The following MAP4K5 variants were observed in gnomAD, a reference collection of about 807,000 sequenced individuals.
MAP4K5 encodes the protein mitogen-activated protein kinase kinase kinase kinase 5.
MAP4K5 carries 82 observed loss-of-function variants against 135.6 expected under a neutral mutation model. That is an observed-to-expected ratio of 0.60 (90% CI 0.51 to 0.73). The LOEUF is 0.73. MAP4K5 is among the 30% of genes least tolerant of loss of function. The pLI is 0.00. For missense variants in MAP4K5, 907 were observed against 1,010.9 expected (o/e 0.90, Z 1.39); for synonymous variants, 347 against 335.0 (o/e 1.04, Z -0.39).
chr14:50,452,368 GT>G (rs2036509254), intron 14 of MAP4K5, among the ~76,000 whole-genome samples: 1 of 152,098 alleles, frequency 6.6e-6, no homozygotes, highest in Admixed American at 6.6e-5. Context: ...AGCCTAAAGG[GT>G]TTTTTGTTGT....
intron 3 of MAP4K5, among the ~76,000 whole-genome samples, chr14:50,500,884 G>A (rs1451849148): frequency 6.6e-6 from 1 of 152,284 alleles, no homozygotes; most frequent in South Asian, 2.1e-4. Flanking sequence ...GCAGGTTTGA[G>A]AAGAATAATC....
At chr14:50,435,539 ATT>A (rs756334252) in intron 26 of MAP4K5, among the ~76,000 whole-genome samples, 2 of 143,890 alleles carry the variant, frequency 1.4e-5, no homozygotes, top group Non-Finnish European at 3.1e-5. Flanking sequence ...TAATTTTTCA[ATT>A]TTTTTTTTTT....
At chr14:50,522,183 T>A (rs1329438155) in intron 2 of MAP4K5, among the ~76,000 whole-genome samples, 1 of 152,026 alleles carries the variant, frequency 6.6e-6, no homozygotes, top group Non-Finnish European at 1.5e-5. Flanking sequence ...ATGCTAAACC[T>A]ATGTAAACAA....
intron 1 of MAP4K5, among the ~76,000 whole-genome samples, chr14:50,553,898 C>T (rs1332797838): frequency 6.6e-6 from 1 of 152,016 alleles, no homozygotes; most frequent in Non-Finnish European, 1.5e-5. Context: ...GAGAGTTAAG[C>T]TATGAGGATG....
At chr14:50,477,750 AGTT>A (rs142185206) in intron 6 of MAP4K5, among the ~76,000 whole-genome samples, 8 of 152,164 alleles carry the variant, frequency 5.3e-5, no homozygotes, top group East Asian at 1.9e-4. Flanking sequence ...TTTCTTTTTT[AGTT>A]GTTAAGATGA....
chr14:50,448,782 C>T lies in MAP4K5; in HGVS notation c.1066G>A (p.Asp356Asn). Residue 356 changes from aspartate (D) to asparagine (N), a missense_variant, in exon 15 of 33, where the codon GAT (aspartate) becomes AAT (asparagine). This residue lies in a region of MAP4K5 where 690 missense variants were observed against 777.4 expected (regional missense o/e 0.89). Coordinates refer to ENST00000682126, the MANE Select transcript of MAP4K5 (RefSeq NM_006575.6). ...PPLRKETEAR[D>N]EMGLSSDPNF... ...TAAAAATGAATTCTTACCATTTCATCTCGTGCTTCTGTTTCTTTTCTCAGA... is the reference window on the plus strand; with the variant it reads ...TAAAAATGAATTCTTACCATTTCATTTCGTGCTTCTGTTTCTTTTCTCAGA... 6.4e-7 allele frequency: 1 copy of T among 1,559,374 alleles called. No homozygotes were observed. Among genetic ancestry groups the T allele is most frequent in the Non-Finnish European group, 8.7e-7 (1 of 1,147,714 alleles).
intron 2 of MAP4K5, among the ~76,000 whole-genome samples, chr14:50,516,883 G>A (rs750184258): frequency 2.0e-5 from 3 of 152,002 alleles, no homozygotes; most frequent in Non-Finnish European, 4.4e-5. Flanking sequence ...AATAAGTATT[G>A]AGTCCCTATG....
chr14:50,511,254 G>C (rs1327289127), intron 2 of MAP4K5, among the ~76,000 whole-genome samples: 1 of 152,144 alleles, frequency 6.6e-6, no homozygotes, highest in African/African-American at 2.4e-5. Flanking sequence ...TGCCATTTGA[G>C]GAAACTTGGA....
intron 1 of MAP4K5, among the ~76,000 whole-genome samples, chr14:50,546,334 C>T (rs2038631027): frequency 6.6e-6 from 1 of 152,020 alleles, no homozygotes; most frequent in African/African-American, 2.4e-5. Context: ...AATACTATCT[C>T]ATGGCTAGAG....
In MAP4K5 at chr14:50,462,774, A is replaced by G. The variant is rs766381487; in HGVS notation, c.827T>C (p.Phe276Ser). The change falls in exon 13 of 33, where the codon TTT (phenylalanine) becomes TCT (serine). Residue 276 changes from phenylalanine (F) to serine (S), a missense_variant. Phe to Ser is a radical substitution (Grantham distance 155). Coordinates refer to ENST00000682126, the MANE Select transcript of MAP4K5 (RefSeq NM_006575.6). Reference sequence around the variant, plus strand: ...TCTAGAGAGACCTGGCTGTGCAACAAAAGTGTGCTAAAAGACAACAAAATG... The same window carrying G: ...TCTAGAGAGACCTGGCTGTGCAACAGAAGTGTGCTAAAAGACAACAAAATG... ...PTAERLLTHT[F>S]VAQPGLSRAL... 5 of 1,600,380 alleles carry G rather than the reference A, an allele frequency of 3.1e-6. No individual in the cohort carries two copies. Among genetic ancestry groups the G allele is most frequent in the Non-Finnish European group, 4.3e-6 (5 of 1,168,646 alleles).
In MAP4K5 at chr14:50,434,985, T is replaced by A. The variant is rs1431183027; in HGVS notation, c.1963A>T (p.Met655Leu). 1.2e-6 allele frequency: 2 copies of A among 1,608,036 alleles called. No homozygotes were observed. The highest frequency in any genetic ancestry group is 1.7e-6 in the Non-Finnish European group (2 of 1,175,650). The stretch of plus-strand genomic sequence containing the variant: ...ACCTTTATCAACATGAATTTCTGCA[T>A]TGGCTCATACCACTGAAGTAAAACA... ...GIVLLQWYEP[M>L]QKFMLIKHFD... Residue 655 changes from methionine (M) to leucine (L), a missense_variant, in exon 27 of 33, where the codon ATG (methionine) becomes TTG (leucine). Physicochemically the swap from Met to Leu is conservative, Grantham distance 15. Transcript: ENST00000682126.
intron 28 of MAP4K5, among the ~76,000 whole-genome samples, chr14:50,430,216 C>A (rs2139649150): frequency 6.6e-6 from 1 of 152,240 alleles, no homozygotes; most frequent in South Asian, 2.1e-4. Context: ...GTACTTCTTT[C>A]TGATTACAAA....
chr14:50,545,348 A>G (rs2038617499), intron 1 of MAP4K5, among the ~76,000 whole-genome samples: 1 of 152,160 alleles, frequency 6.6e-6, no homozygotes, highest in African/African-American at 2.4e-5. Context: ...ATTCTATAAA[A>G]TCCTGGGCTT....
chr14:50,487,356 A>G (rs781276740), intron 3 of MAP4K5, among the ~76,000 whole-genome samples: 1 of 113,528 alleles, frequency 8.8e-6, no homozygotes, highest in Non-Finnish European at 2.1e-5. Context: ...TTAACTATTA[A>G]TATGACACAT....
chr14:50,501,015 C>G (rs1196252478), intron 3 of MAP4K5, among the ~76,000 whole-genome samples: 2 of 151,872 alleles, frequency 1.3e-5, no homozygotes, highest in African/African-American at 4.8e-5. Flanking sequence ...ATAAAAAGAC[C>G]AATGGTGGGT....
chr14:50,441,176 T>G (rs1192089588), intron 21 of MAP4K5, among the ~76,000 whole-genome samples: 1 of 152,194 alleles, frequency 6.6e-6, no homozygotes, highest in East Asian at 1.9e-4. Flanking sequence ...AGATTGTCAA[T>G]GGATGCTAAA....
intron 26 of MAP4K5, 104 bp downstream of exon 26, chr14:50,437,372 T>C (rs1335388316): frequency 1.1e-6 from 1 of 886,760 alleles, no homozygotes; most frequent in Non-Finnish European, 1.7e-6. Context: ...ACACAAATTT[T>C]AAAAACCTAC....
intron 1 of MAP4K5, among the ~76,000 whole-genome samples, chr14:50,544,147 A>T (rs1231910949): frequency 1.3e-5 from 2 of 152,214 alleles, no homozygotes; most frequent in African/African-American, 4.8e-5. Context: ...GGACAGTGGG[A>T]AACTGAAGCA....
chr14:50,523,727 A>G (rs1595546769), intron 2 of MAP4K5, among the ~76,000 whole-genome samples: 1 of 151,932 alleles, frequency 6.6e-6, no homozygotes, highest in African/African-American at 2.4e-5. Flanking sequence ...CTCTCCCCCC[A>G]CTAAAATTTG....
Sources: allele counts gnomAD v4.1 joint callset (sites outside exome capture counted in the v4.1 genomes callset), GRCh38; gene constraint gnomAD v4.1.1; regional missense constraint gnomAD v4.1.1; transcripts MANE v1.5; gene names NCBI Gene and HGNC (gene_info 2026-07-23, HGNC 2026-07-21).